Variants in BRK1 observed in about 807,000 individuals in gnomAD.
BRK1 encodes the protein protein BRICK1.
Under a neutral mutation model 9.9 loss-of-function variants are expected in BRK1, and 6 were observed. The ratio of observed to expected loss-of-function variants is 0.60; its 90% CI spans 0.33 to 1.19. The LOEUF (loss-of-function observed/expected upper bound fraction) is 1.19, where lower values mean the gene tolerates loss of function less well. Among genes scored for constraint, BRK1 ranks in the 50% most tolerant of loss-of-function variants. BRK1 has a pLI of 0.04. For missense variants in BRK1, 62 were observed against 97.5 expected, an observed-to-expected ratio of 0.64 and a Z score of 1.53; for synonymous variants, 44 against 31.9, an observed-to-expected ratio of 1.38 and a Z score of -1.28.
At chr3:10,125,185 C>G (rs1024728383) in intron 1 of BRK1, among the ~76,000 whole-genome samples, 1 of 143,656 alleles carries the variant, frequency 7.0e-6, no homozygotes, top group South Asian at 2.2e-4. Context: ...TCACTGCAAC[C>G]TTTGCCCCCC....
intron 1 of BRK1, among the ~76,000 whole-genome samples, chr3:10,121,649 T>C (rs1350677609): frequency 1.3e-5 from 2 of 152,308 alleles, no homozygotes; most frequent in African/African-American, 4.8e-5. Context: ...GAAACAGACA[T>C]GTAAATAAAT....
rs1400548987 is a variant in BRK1, at chr3:10,126,369, A to C, written c.*74A>C. ...CATGGGAAAGGCCCCAGCAGCCTTC[A>C]GCTCCTTCCTTTCTCCTTAAAGAGC... On this transcript the variant is annotated 3_prime_UTR_variant, in exon 3 of 3. Transcript: ENST00000530758. 1 of 1,307,666 alleles carries C rather than the reference A, an allele frequency of 7.6e-7. No individual in the cohort carries two copies. The highest frequency in any genetic ancestry group is 1.3e-5 in the South Asian group (1 of 75,110). 81.0% of individuals were successfully genotyped at this position (1,307,666 alleles called of 1,614,324 possible). A position where few individuals can be genotyped will look rare whatever the true frequency, so the allele number is the denominator to read the frequency against.
At chr3:10,120,052 C>CA (rs1472158069) in intron 1 of BRK1, among the ~76,000 whole-genome samples, 1 of 151,468 alleles carries the variant, frequency 6.6e-6, no homozygotes, top group Non-Finnish European at 1.5e-5. Flanking sequence ...TTTTTTGAGA[C>CA]AGAGTCTCAT....
At chr3:10,124,952 C>T (rs1695816603) in intron 1 of BRK1, among the ~76,000 whole-genome samples, 1 of 152,132 alleles carries the variant, frequency 6.6e-6, no homozygotes, top group Non-Finnish European at 1.5e-5. Context: ...CTTCCTATGC[C>T]TTTCTCACCT....
At chr3:10,117,393 CTTTTT>C (rs756307171) in intron 1 of BRK1, among the ~76,000 whole-genome samples, 3 of 118,642 alleles carry the variant, frequency 2.5e-5, no homozygotes, top group Admixed American at 8.7e-5. Flanking sequence ...TCAACAAATT[CTTTTT>C]TTTTTTTTTT....
chr3:10,120,392 G>C (rs541982481), intron 1 of BRK1, among the ~76,000 whole-genome samples: 1 of 151,970 alleles, frequency 6.6e-6, no homozygotes, highest in Admixed American at 6.6e-5. Context: ...ATGGGGTTTT[G>C]CCATGTTAGC....
At chr3:10,123,938 T>G (rs1194315110) in intron 1 of BRK1, among the ~76,000 whole-genome samples, 1 of 151,226 alleles carries the variant, frequency 6.6e-6, no homozygotes, top group Non-Finnish European at 1.5e-5. Flanking sequence ...TTTCACCATG[T>G]TAGCCAGGCT....
intron 1 of BRK1, among the ~76,000 whole-genome samples, chr3:10,119,081 A>G (rs1695723164): frequency 6.7e-6 from 1 of 148,466 alleles, no homozygotes. Context: ...ATCTCGGCTC[A>G]CTGCAAGCTC....
At position 10,126,307 on chromosome 3, in the gene BRK1, G is replaced by T; in HGVS notation, c.*12G>T. On this transcript the variant is annotated 3_prime_UTR_variant, in exon 3 of 3. Coordinates refer to ENST00000530758, the MANE Select transcript of BRK1 (RefSeq NM_018462.5). The stretch of plus-strand genomic sequence containing the variant: ...AGACACTCACCTAGAACAGTGCCGT[G>T]CTGCTGCTGGGAAGTTGCTTTACAC... The T allele has an allele frequency of 6.3e-7, 1 of 1,575,582 alleles. No individual in the cohort carries two copies. The highest frequency in any genetic ancestry group is 1.9e-5 in the Admixed American group (1 of 53,898).
intron 1 of BRK1, 74 bp downstream of exon 1, chr3:10,115,893 G>C: frequency 8.6e-7 from 1 of 1,168,798 alleles, no homozygotes; most frequent in Non-Finnish European, 1.3e-6. Flanking sequence ...CCGGGGAGAT[G>C]CTTTGAGAGG....
At chr3:10,122,536 A>G (rs899360170) in intron 1 of BRK1, among the ~76,000 whole-genome samples, 8 of 149,274 alleles carry the variant, frequency 5.4e-5, no homozygotes, top group Admixed American at 1.3e-4. Flanking sequence ...TGAGACCCCC[A>G]TATCTACCAA....
Position 10,126,373 on chromosome 3 carries a change from C to G in BRK1, c.*78C>G. On this transcript the variant is annotated 3_prime_UTR_variant, in exon 3 of 3. Transcript: ENST00000530758. Reference sequence around the variant, plus strand: ...GGAAAGGCCCCAGCAGCCTTCAGCTCCTTCCTTTCTCCTTAAAGAGCAACA... The same window carrying G: ...GGAAAGGCCCCAGCAGCCTTCAGCTGCTTCCTTTCTCCTTAAAGAGCAACA... The G allele has an allele frequency of 7.8e-7, 1 of 1,275,192 alleles. No individual in the cohort carries two copies. Among genetic ancestry groups the G allele is most frequent in the South Asian group, 1.3e-5 (1 of 74,100 alleles). 79.0% of individuals were successfully genotyped at this position (1,275,192 alleles called of 1,614,324 possible). A position where few individuals can be genotyped will look rare whatever the true frequency, so the allele number is the denominator to read the frequency against.
In BRK1 at chr3:10,115,835, A is replaced by T. The variant is rs762982724; in HGVS notation, c.118+16A>T. 6.2e-7 allele frequency: 1 copy of T among 1,605,282 alleles called. No homozygotes were observed. The highest frequency in any genetic ancestry group is 2.2e-5 in the East Asian group (1 of 44,816). ...AACTCGTTCGGTCAGCGGGCCAGCA[A>T]GGGGAGGCGGGGAGGAGGGAGGCCG... On this transcript the variant is annotated intron_variant, in intron 1 of 2. Coordinates refer to ENST00000530758, the MANE Select transcript of BRK1 (RefSeq NM_018462.5).
rs770405501 is a variant in BRK1, at chr3:10,126,393, G to A, written c.*98G>A. On this transcript the variant is annotated 3_prime_UTR_variant, in exon 3 of 3. Transcript: ENST00000530758. ...CAGCTCCTTCCTTTCTCCTTAAAGA[G>A]CAACAGGGCTTATTCTTGTTTTTCT... The A allele has an allele frequency of 9.5e-7, 1 of 1,056,558 alleles. No individual in the cohort carries two copies. Among genetic ancestry groups the A allele is most frequent in the Non-Finnish European group, 1.4e-6 (1 of 718,150 alleles). 65.4% of individuals were successfully genotyped at this position (1,056,558 alleles called of 1,614,324 possible).
chr3:10,123,732 C>CTTTTTTTTTTTTTTTTT (rs71626962), intron 1 of BRK1, among the ~76,000 whole-genome samples: 1 of 48,694 alleles, frequency 2.1e-5, no homozygotes, highest in East Asian at 5.7e-4. Flanking sequence ...CGTGCCTGGC[C>CTTTTTTTTTTTTTTTTT]TTTTTTTTTT....
chr3:10,118,985 T>G (rs1046833066), intron 1 of BRK1, among the ~76,000 whole-genome samples: 2 of 151,302 alleles, frequency 1.3e-5, no homozygotes, highest in African/African-American at 4.9e-5. Flanking sequence ...ATATATTTCC[T>G]TTTCCTAATG....
In BRK1 at chr3:10,126,303, C is replaced by T; in HGVS notation, c.*8C>T. 3 of 1,577,318 alleles carry T rather than the reference C, an allele frequency of 1.9e-6. No homozygotes were observed. The highest frequency in any genetic ancestry group is 1.7e-6 in the Non-Finnish European group (2 of 1,161,320). ...GGTGAGACACTCACCTAGAACAGTG[C>T]CGTGCTGCTGCTGGGAAGTTGCTTT... On this transcript the variant is annotated 3_prime_UTR_variant, in exon 3 of 3. Coordinates refer to ENST00000530758, the MANE Select transcript of BRK1 (RefSeq NM_018462.5).
In BRK1 at chr3:10,123,468, C is replaced by G. The variant is rs553871259; in HGVS notation, c.119-2158C>G. 2.6e-4 allele frequency among the ~76,000 whole-genome samples: 38 copies of G among 145,566 alleles called. 1 individual carries two copies. The highest frequency in any genetic ancestry group is 9.3e-4 in the African/African-American group (35 of 37,712). On this transcript the variant is annotated intron_variant, in intron 1 of 2. Coordinates refer to ENST00000530758, the MANE Select transcript of BRK1 (RefSeq NM_018462.5). Reference sequence around the variant, plus strand: ...TTTTTTTTTTTGAGACGGAGTCTCACTCTGTTTCCCAGGCTGGAGTGCAGT... The same window carrying G: ...TTTTTTTTTTTGAGACGGAGTCTCAGTCTGTTTCCCAGGCTGGAGTGCAGT...
At chr3:10,126,215 C>G in intron 2 of BRK1, 54 bp from the exon 3 acceptor site, 1 of 1,293,706 alleles carries the variant, frequency 7.7e-7, no homozygotes, top group Non-Finnish European at 1.0e-6. Context: ...TTTTTTTAGA[C>G]CCCTCTAATC....
Sources: gnomAD v4.1 joint callset for allele counts (sites outside exome capture counted in the v4.1 genomes callset) on GRCh38, gnomAD v4.1.1 for gene constraint, MANE v1.5 for transcripts, NCBI Gene and HGNC (gene_info 2026-07-23, HGNC 2026-07-21) for gene names.